Variants in MST1R observed in about 807,000 individuals in gnomAD.
MST1R encodes macrophage-stimulating protein receptor.
MST1R carries 99 observed loss-of-function variants against 117.8 expected under a neutral mutation model. The observed-to-expected ratio is 0.84, with a 90% confidence interval of 0.71 to 0.99. The LOEUF (loss-of-function observed/expected upper bound fraction) is 0.99, where lower values mean the gene tolerates loss of function less well. Among genes scored for constraint, MST1R ranks in the 50% least tolerant of loss-of-function variants. The pLI is 0.00. For synonymous variants in MST1R, 734 were observed against 765.3 expected, an observed-to-expected ratio of 0.96 and a Z score of 0.68; for missense variants, 1,683 against 1,840.2, an observed-to-expected ratio of 0.91 and a Z score of 1.56.
chr3:49,895,636 G>A, intron 12 of MST1R, 79 bp downstream of exon 12: 2 of 1,610,666 alleles, frequency 1.2e-6, no homozygotes, highest in East Asian at 2.2e-5. Context: ...TAAGTCCTGG[G>A]CAGAGAGAGG....
intron 5 of MST1R, 141 bp from the exon 6 acceptor site, chr3:49,897,826 G>T: frequency 7.9e-7 from 1 of 1,260,132 alleles, no homozygotes; most frequent in South Asian, 1.5e-5. Flanking sequence ...GAAGGTTCTG[G>T]TGGGGCAGAG....
intron 14 of MST1R, among the ~76,000 whole-genome samples, chr3:49,894,379 A>C (rs953593234): frequency 4.6e-5 from 7 of 152,078 alleles, no homozygotes; most frequent in African/African-American, 1.7e-4. Flanking sequence ...CCTGGACAAC[A>C]TGATTCGAGG....
At chr3:49,891,111 GT>G in intron 17 of MST1R, 85 bp downstream of exon 17, 1 of 1,176,848 alleles carries the variant, frequency 8.5e-7, no homozygotes, top group Non-Finnish European at 1.3e-6. Flanking sequence ...CAAGGCTGGA[GT>G]GGGCCCTTCC....
At chr3:49,898,419 C>G in intron 4 of MST1R, 99 bp downstream of exon 4, 1 of 1,467,278 alleles carries the variant, frequency 6.8e-7, no homozygotes, top group African/African-American at 1.4e-5. Flanking sequence ...ATGAAGGACA[C>G]CCCCCAGACC....
chr3:49,898,752 C>T, intron 3 of MST1R, 64 bp from the exon 4 acceptor site: 1 of 1,606,206 alleles, frequency 6.2e-7, no homozygotes, highest in Non-Finnish European at 8.5e-7. Context: ...TATAGACCCT[C>T]CCGGTACACA....
At position 49,898,557 on chromosome 3, in the gene MST1R, G is replaced by GCCAGGAC; in HGVS notation, c.1673_1679dup (p.Gln563LeufsTer10). On this transcript the variant is annotated frameshift_variant, in exon 4 of 20. Transcript: ENST00000296474. LOFTEE classifies it high-confidence loss of function. ...GTGGGCAGTGGTCCTGTTGCCAGGA[G>GCCAGGAC]CCAGGACACTCCTTCTGCTGGCCGC... 1 of 1,613,992 alleles carries GCCAGGAC rather than the reference G, an allele frequency of 6.2e-7. No individual in the cohort carries two copies. The highest frequency in any genetic ancestry group is 1.7e-5 in the Admixed American group (1 of 60,026).
chr3:49,896,176 C>A lies in MST1R; in HGVS notation c.2649+19G>T, dbSNP rs1044719359. On this transcript the variant is annotated intron_variant, in intron 10 of 19. Coordinates refer to ENST00000296474, the MANE Select transcript of MST1R (RefSeq NM_002447.4). The stretch of plus-strand genomic sequence containing the variant: ...CTTTCAGATCCCCAACTGTCCCTGC[C>A]CCTATCCCTTACACTTACCTCAAAC... 6.8e-6 allele frequency: 11 copies of A among 1,614,170 alleles called. No individual in the cohort carries two copies. The highest frequency in any genetic ancestry group is 1.1e-5 in the South Asian group (1 of 91,086).
Position 49,902,863 on chromosome 3 carries a change from G to A in MST1R, c.747C>T (p.Tyr249=), listed in dbSNP as rs773379120. ...AGGCTCCCGTGTGGAAGCTGTGCAC[G>A]TATTCAATACTGTAGGAGACAAGAT... is the stretch of plus-strand genomic sequence containing the variant. The part of the protein sequence containing the change: ...PKHLVSYSIE[Y]VHSFHTGAFV... Residue 249 remains tyrosine (Y), a synonymous_variant, in exon 1 of 20, where the codon TAC becomes TAT. Transcript: ENST00000296474. 2.0e-5 allele frequency: 33 copies of A among 1,613,488 alleles called. No homozygotes were observed. The highest frequency in any genetic ancestry group is 1.1e-4 in the East Asian group (5 of 44,892).
intron 5 of MST1R, 96 bp downstream of exon 5, chr3:49,897,952 TCCC>T (rs755613042): frequency 1.3e-6 from 2 of 1,541,182 alleles, no homozygotes; most frequent in South Asian, 2.3e-5. Context: ...GCTTCCCCCA[TCCC>T]CCCTTGCCTC....
chr3:49,892,344 G>A (rs1453614461), intron 14 of MST1R, among the ~76,000 whole-genome samples: 3 of 151,982 alleles, frequency 2.0e-5, no homozygotes, highest in Non-Finnish European at 2.9e-5. Flanking sequence ...AGGCCAAGGC[G>A]GGTGGATCAC....
Position 49,897,389 on chromosome 3 carries a change from G to C in MST1R, c.2074C>G (p.Leu692Val). The change falls in exon 7 of 20, where the codon CTC becomes GTC. Residue 692 changes from leucine to valine, a missense_variant. By Grantham distance (32) the Leu-to-Val change is conservative. Coordinates refer to ENST00000296474, the MANE Select transcript of MST1R (RefSeq NM_002447.4). ...MEPVLIAVQP[L>V]FGPRAGGTCL... is the part of the protein sequence containing the mutation. ...GTGCCTCCTGCCCGTGGGCCAAAGA[G>C]GGGTTGCACTGCTATCAGCACTGGC... is the stretch of plus-strand genomic sequence containing the variant. 1.9e-6 allele frequency: 3 copies of C among 1,613,840 alleles called. No homozygotes were observed. Among genetic ancestry groups the C allele is most frequent in the Non-Finnish European group, 2.5e-6 (3 of 1,179,900 alleles).
Position 49,895,672 on chromosome 3 carries a change from G to T in MST1R, c.2962+43C>A, listed in dbSNP as rs768412257. The T allele has an allele frequency of 7.4e-6, 12 of 1,612,496 alleles. No individual in the cohort carries two copies. In the African/African-American group the frequency reaches 1.5e-4, roughly 20 times the overall value. ...ATGTAGGGACTTGAAGATGCCATTG[G>T]TTGGGGGTAGGGGCTGATTAAAGGT... is the stretch of plus-strand genomic sequence containing the variant. On this transcript the variant is annotated intron_variant, in intron 12 of 19. Coordinates refer to ENST00000296474, the MANE Select transcript of MST1R (RefSeq NM_002447.4).
rs765160914 is a variant in MST1R, at chr3:49,902,706, A to G, written c.904T>C (p.Phe302Leu). The G allele has an allele frequency of 3.7e-6, 6 of 1,613,520 alleles. No homozygotes were observed. Among genetic ancestry groups the G allele is most frequent in the Non-Finnish European group, 5.1e-6 (6 of 1,180,014 alleles). Residue 302 changes from phenylalanine to leucine, a missense_variant, in exon 1 of 20, where the codon TTT becomes CTT. Coordinates refer to ENST00000296474, the MANE Select transcript of MST1R (RefSeq NM_002447.4). ...DYRELVLDCR[F>L]APKRRRRGAP... ...CCCCGGCGCCTGCGTTTTGGAGCAAATCTGCAGTCGAGGACCAGCTCCCGA... is the reference window on the plus strand; with the variant it reads ...CCCCGGCGCCTGCGTTTTGGAGCAAGTCTGCAGTCGAGGACCAGCTCCCGA...
chr3:49,889,156 T>C (rs1328126420), intron 19 of MST1R, among the ~76,000 whole-genome samples: 1 of 152,216 alleles, frequency 6.6e-6, no homozygotes, highest in African/African-American at 2.4e-5. Context: ...ACATTTCTCC[T>C]GCCCAGTCCT....
intron 17 of MST1R, 27 bp from the exon 18 acceptor site, chr3:49,890,677 T>C (rs781122368): frequency 1.3e-6 from 2 of 1,591,206 alleles, no homozygotes; most frequent in Middle Eastern, 1.7e-4. Context: ...GGATCACACT[T>C]AGGACTGGCC....
In MST1R at chr3:49,902,505, A is replaced by G. The variant is rs760157195; in HGVS notation, c.1105T>C (p.Phe369Leu). ...AGTGTGTCCAGCAGGTCAATGGGGAAGGCACAGACGACAGAGTTGGGGCCC... is the reference window on the plus strand; with the variant it reads ...AGTGTGTCCAGCAGGTCAATGGGGAGGGCACAGACGACAGAGTTGGGGCCC... ...GVGPNSVVCAFPIDLLDTLID... is the reference protein window; with the variant it reads ...GVGPNSVVCALPIDLLDTLID... Residue 369 changes from phenylalanine (F) to leucine (L), a missense_variant, in exon 1 of 20, where the codon TTC becomes CTC. By Grantham distance (22) the Phe-to-Leu change is conservative. Coordinates refer to ENST00000296474, the MANE Select transcript of MST1R (RefSeq NM_002447.4). 1 of 1,614,142 alleles carries G rather than the reference A, an allele frequency of 6.2e-7. No individual in the cohort carries two copies. The highest frequency in any genetic ancestry group is 2.2e-5 in the East Asian group (1 of 44,886).
At position 49,897,550 on chromosome 3, in the gene MST1R, G is replaced by A. The variant is rs746474849; in HGVS notation, c.2016C>T (p.Gly672=). 1 of 1,614,034 alleles carries A rather than the reference G, an allele frequency of 6.2e-7. No individual in the cohort carries two copies. The highest frequency in any genetic ancestry group is 2.2e-5 in the East Asian group (1 of 44,886). ...AAGAGAAGCCTCTCAGCACGGAGGTGCCGTCTACCCGGAAGTGCTTGCCCG... is the reference window on the plus strand; with the variant it reads ...AAGAGAAGCCTCTCAGCACGGAGGTACCGTCTACCCGGAAGTGCTTGCCCG... ...MPPGKHFRVD[G]TSVLRGFSFM... The change falls in exon 6 of 20, where the codon GGC becomes GGT. Residue 672 remains glycine (G), a synonymous_variant. Transcript: ENST00000296474.
In MST1R at chr3:49,895,333, G is replaced by A. The variant is rs2082430061; in HGVS notation, c.3105C>T (p.Val1035=). Residue 1035 remains valine (V), a synonymous_variant, in exon 14 of 20, where the codon GTC becomes GTT. Coordinates refer to ENST00000296474, the MANE Select transcript of MST1R (RefSeq NM_002447.4). ...CACTATCGGAGAAGGATGCTCCATG[G>A]ACACAAGTGGTGGAATCCAGACCAT... is the stretch of plus-strand genomic sequence containing the variant. ...AIDGLDSTTC[V]HGASFSDSED... The A allele has an allele frequency of 6.2e-7, 1 of 1,614,248 alleles. No homozygotes were observed. The highest frequency in any genetic ancestry group is 1.3e-5 in the African/African-American group (1 of 75,056).
chr3:49,897,913 A>G (rs896118503), intron 5 of MST1R, 138 bp downstream of exon 5: 9 of 1,279,082 alleles, frequency 7.0e-6, no homozygotes, highest in Non-Finnish European at 9.8e-6. Flanking sequence ...GACCTTTTTG[A>G]CTCTCAAAAA....
Sources: allele counts gnomAD v4.1 joint callset (sites outside exome capture counted in the v4.1 genomes callset), GRCh38; gene constraint gnomAD v4.1.1; transcripts MANE v1.5; gene names NCBI Gene and HGNC (gene_info 2026-07-23, HGNC 2026-07-21).